The following AXDND1 variants were observed in gnomAD, a reference collection of about 807,000 sequenced individuals.
AXDND1 encodes axonemal dynein light chain domain containing 1.
A neutral mutation model predicts 137.5 loss-of-function variants in AXDND1; 110 were observed. That is an observed-to-expected ratio of 0.80 (90% CI 0.69 to 0.94). The LOEUF (loss-of-function observed/expected upper bound fraction) is 0.94, where lower values mean the gene tolerates loss of function less well. AXDND1 is among the 40% of genes least tolerant of loss of function. The pLI, the probability that AXDND1 is intolerant of heterozygous loss-of-function variation, is 0.00. For missense variants in AXDND1, 1,191 were observed against 1,169.8 expected (o/e 1.02, Z -0.26); for synonymous variants, 414 against 399.7 (o/e 1.04, Z -0.43).
intron 15 of AXDND1, among the ~76,000 whole-genome samples, chr1:179,441,905 C>T (rs894772267): frequency 6.6e-6 from 1 of 152,218 alleles, no homozygotes. Context: ...CAAGTTCACG[C>T]CAAGTGTTTC....
intron 16 of AXDND1, chr1:179,449,115 G>T: frequency 2.2e-6 from 1 of 453,804 alleles, no homozygotes. Context: ...CAAACTTCTG[G>T]GTTCAAGCGA....
At chr1:179,436,182 G>A (rs1453452967) in intron 15 of AXDND1, among the ~76,000 whole-genome samples, 2 of 152,146 alleles carry the variant, frequency 1.3e-5, no homozygotes, top group East Asian at 3.8e-4. Flanking sequence ...TTATTAAAAA[G>A]TCAAGAACCA....
chr1:179,370,735 C>T (rs1667955891), intron 4 of AXDND1, among the ~76,000 whole-genome samples: 1 of 152,212 alleles, frequency 6.6e-6, no homozygotes, highest in Admixed American at 6.5e-5. Flanking sequence ...AATGTCCCTT[C>T]TACTGAAACA....
chr1:179,378,664 A>G lies in AXDND1; in HGVS notation c.402A>G (p.Thr134=), dbSNP rs767139492. ...GRDISFLYDV[T]YAKGQTREKA... is the part of the protein sequence containing the mutation. ...ATATTTCTTTTCTGTACGATGTAAC[A>G]TATGCCAAAGGACAGACTAGGGAGA... is the stretch of plus-strand genomic sequence containing the variant. Residue 134 remains threonine (T), a synonymous_variant, in exon 5 of 26, where the codon ACA becomes ACG. Transcript: ENST00000367618. 10 of 1,593,110 alleles carry G rather than the reference A, an allele frequency of 6.3e-6. No homozygotes were observed. Among genetic ancestry groups the G allele is most frequent in the Non-Finnish European group, 8.6e-6 (10 of 1,167,994 alleles).
At position 179,368,994 on chromosome 1, in the gene AXDND1, G is replaced by A. The variant is rs12385707; in HGVS notation, c.270+22G>A. ...AAAGGTTTGTATGTACATATGTAGA[G>A]TAATGGGGAACATTATTTTTTGGGC... On this transcript the variant is annotated intron_variant, in intron 3 of 25. Transcript: ENST00000367618. 9.1e-4 allele frequency: 1,412 copies of A among 1,552,020 alleles called. 12 individuals carry two copies. The African/African-American group carries it at 0.018, about 20-fold the overall frequency.
intron 21 of AXDND1, among the ~76,000 whole-genome samples, chr1:179,513,482 A>T (rs1669241969): frequency 6.6e-6 from 1 of 152,098 alleles, no homozygotes. Context: ...TTTGTTAAAG[A>T]TTTTAGTGTC....
At chr1:179,535,672 T>G (rs1292361294) in intron 25 of AXDND1, among the ~76,000 whole-genome samples, 1 of 152,228 alleles carries the variant, frequency 6.6e-6, no homozygotes, top group African/African-American at 2.4e-5. Flanking sequence ...TGAATAGTGC[T>G]GCAATAAACA....
intron 2 of AXDND1, among the ~76,000 whole-genome samples, chr1:179,367,936 C>G (rs775580376): frequency 9.2e-5 from 14 of 151,704 alleles, no homozygotes; most frequent in Admixed American, 3.9e-4. Flanking sequence ...CCCATCTCAC[C>G]TGCACCTTGT....
Position 179,552,474 on chromosome 1 carries a change from G to T in AXDND1, c.3032-2038G>T. Reference sequence around the variant, plus strand: ...ACACTTTAAGAGAGCAATTTTAATAGAGTTGTAAGGGCCCAAGACAGCTTC... The same window carrying T: ...ACACTTTAAGAGAGCAATTTTAATATAGTTGTAAGGGCCCAAGACAGCTTC... On this transcript the variant is annotated intron_variant, in intron 25 of 25. Transcript: ENST00000367618. 5.4e-6 allele frequency: 4 copies of T among 737,772 alleles called. No individual in the cohort carries two copies. The South Asian group carries it at 6.0e-5, about 11-fold the overall frequency. The allele number at this position is 737,772 out of a possible 1,614,324, so 45.7% of individuals were successfully genotyped here.
At chr1:179,383,396 C>T (rs765661849) in intron 7 of AXDND1, 46 bp from the exon 8 acceptor site, 3 of 1,390,002 alleles carry the variant, frequency 2.2e-6, no homozygotes, top group Non-Finnish European at 2.0e-6. Flanking sequence ...TTGAGAATTC[C>T]CTGTTGCAAT....
Position 179,429,627 on chromosome 1 carries a change from T to C in AXDND1, c.1332+8T>C. 6.7e-7 allele frequency: 1 copy of C among 1,498,402 alleles called. No individual in the cohort carries two copies. The allele number at this position is 1,498,402 out of a possible 1,614,324, so 92.8% of individuals were successfully genotyped here. On this transcript the variant is annotated splice_region_variant and intron_variant, in intron 13 of 25. Coordinates refer to ENST00000367618, the MANE Select transcript of AXDND1 (RefSeq NM_144696.6). ...ATACTGCTATCAAACAAGGTAAAGG[T>C]CAATTATCTTCAGTTATGGGAAAAA...
At chr1:179,541,564 G>A (rs1558323604) in intron 25 of AXDND1, among the ~76,000 whole-genome samples, 1 of 151,588 alleles carries the variant, frequency 6.6e-6, no homozygotes, top group Non-Finnish European at 1.5e-5. Context: ...CTTGTGAGTA[G>A]ACAAACACAT....
At chr1:179,391,838 A>G (rs1284362144) in intron 9 of AXDND1, among the ~76,000 whole-genome samples, 2 of 152,046 alleles carry the variant, frequency 1.3e-5, no homozygotes, top group African/African-American at 4.8e-5. Flanking sequence ...GTGCCTGGCC[A>G]GAGATCTGAT....
chr1:179,549,014 C>T (rs1672924140), intron 25 of AXDND1: 2 of 152,152 alleles, frequency 1.3e-5, no homozygotes, highest in South Asian at 4.2e-4. Context: ...AGACTTCTCC[C>T]ACTCTCAGGG....
At chr1:179,489,832 G>A (rs904359655) in intron 18 of AXDND1, among the ~76,000 whole-genome samples, 2 of 142,456 alleles carry the variant, frequency 1.4e-5, no homozygotes, top group Non-Finnish European at 3.0e-5. Flanking sequence ...TGCAAGCTCC[G>A]CCTCCCGGGT....
chr1:179,464,653 T>A (rs1355947247), intron 16 of AXDND1, among the ~76,000 whole-genome samples: 1 of 152,218 alleles, frequency 6.6e-6, no homozygotes, highest in African/African-American at 2.4e-5. Flanking sequence ...TGAATTTGAA[T>A]GTTGGCCTGC....
intron 12 of AXDND1, among the ~76,000 whole-genome samples, chr1:179,420,109 A>G (rs1490853872): frequency 2.0e-5 from 3 of 152,164 alleles, no homozygotes; most frequent in Non-Finnish European, 2.9e-5. Flanking sequence ...ATTTTGAGGT[A>G]TGTTTCTTCT....
At chr1:179,551,490 A>C in intron 25 of AXDND1, 1 of 1,611,398 alleles carries the variant, frequency 6.2e-7, no homozygotes. Context: ...ATTGTTCTTC[A>C]TTCCCTGAAG....
In AXDND1 at chr1:179,554,648, A is replaced by T; in HGVS notation, c.*129A>T. On this transcript the variant is annotated 3_prime_UTR_variant, in exon 26 of 26. Coordinates refer to ENST00000367618, the MANE Select transcript of AXDND1 (RefSeq NM_144696.6). ...ACAACATTCCCTTTGAAAGGACATTATTTGCCTGTTGTATTTAACTTCACA... is the reference window on the plus strand; with the variant it reads ...ACAACATTCCCTTTGAAAGGACATTTTTTGCCTGTTGTATTTAACTTCACA... 1 of 1,420,500 alleles carries T rather than the reference A, an allele frequency of 7.0e-7. No homozygotes were observed. The highest frequency in any genetic ancestry group is 9.9e-7 in the Non-Finnish European group (1 of 1,008,096). The allele number at this position is 1,420,500 out of a possible 1,614,324, so 88.0% of individuals were successfully genotyped here.
Sources: allele counts gnomAD v4.1 joint callset (sites outside exome capture counted in the v4.1 genomes callset), GRCh38; gene constraint gnomAD v4.1.1; transcripts MANE v1.5; gene names NCBI Gene and HGNC (gene_info 2026-07-23, HGNC 2026-07-21).